PAX5: variants seen among roughly 807,000 people sequenced by gnomAD.
PAX5 encodes the protein paired box protein Pax-5.
In PAX5, 9 loss-of-function variants were observed where a neutral mutation model predicts 43.7. That is an observed-to-expected ratio of 0.21 (90% confidence interval 0.12 to 0.36). The LOEUF is 0.36. Ranked by LOEUF, PAX5 falls within the 10% of genes least tolerant of loss-of-function variation. The pLI is 1.00. For missense variants in PAX5, 383 were observed against 532.7 expected (o/e 0.72, Z 2.77); for synonymous variants, 228 against 214.3 (o/e 1.06, Z -0.56).
chr9:36,939,375 T>C (rs1217944331), intron 6 of PAX5, among the ~76,000 whole-genome samples: 1 of 152,120 alleles, frequency 6.6e-6, no homozygotes, highest in Non-Finnish European at 1.5e-5. Context: ...GCTGACCCAT[T>C]TTTAACCCAA....
intron 7 of PAX5, among the ~76,000 whole-genome samples, chr9:36,911,746 C>T (rs1319193430): frequency 2.0e-5 from 3 of 152,204 alleles, no homozygotes; most frequent in Non-Finnish European, 4.4e-5. Context: ...ATGAACAAAT[C>T]GCTGTTCAGA....
chr9:36,908,064 T>A (rs1828963123), intron 7 of PAX5, among the ~76,000 whole-genome samples: 1 of 152,036 alleles, frequency 6.6e-6, no homozygotes, highest in Non-Finnish European at 1.5e-5. Context: ...GCCAGCATAG[T>A]GGCGTGCACC....
intron 6 of PAX5, among the ~76,000 whole-genome samples, chr9:36,962,898 C>T (rs1187261919): frequency 6.6e-6 from 1 of 152,226 alleles, no homozygotes; most frequent in Non-Finnish European, 1.5e-5. Flanking sequence ...GTCACCACCG[C>T]CATGCCACGC....
intron 4 of PAX5, among the ~76,000 whole-genome samples, chr9:37,004,030 A>G (rs1888019): frequency 0.99 from 150,815 of 152,384 alleles, 74,653 homozygotes; most frequent in East Asian, 1. Context: ...TTTATCAAAT[A>G]AGGAAACTGA....
intron 8 of PAX5, among the ~76,000 whole-genome samples, chr9:36,848,146 G>A (rs1440184723): frequency 1.3e-5 from 2 of 152,136 alleles, no homozygotes; most frequent in African/African-American, 2.4e-5. Flanking sequence ...ACAAAGGGCC[G>A]AAGGGTGAGA....
intron 8 of PAX5, among the ~76,000 whole-genome samples, chr9:36,863,971 T>C (rs1171306851): frequency 6.6e-6 from 1 of 152,164 alleles, no homozygotes; most frequent in Non-Finnish European, 1.5e-5. Context: ...TAGCTGGGCA[T>C]GGTGGCATGT....
At position 36,966,605 on chromosome 9, in the gene PAX5, C is replaced by G. The variant is rs1312388307; in HGVS notation, c.724G>C (p.Glu242Gln). ...AAGATGTCTGAGTAGTGCTGCCTCT[C>G]AAACACGCGGTCCAGCACCTCCAGC... ...QQLEVLDRVF[E>Q]RQHYSDIFTT... is the part of the protein sequence containing the mutation. The change falls in exon 6 of 10, where the codon GAG becomes CAG. Residue 242 changes from glutamate (E) to glutamine (Q), a missense_variant. Around this residue, in one of 5 missense-constraint regions of PAX5, gnomAD observed 291 missense variants for 342.5 expected, o/e 0.85. Coordinates refer to ENST00000358127, the MANE Select transcript of PAX5 (RefSeq NM_016734.3). 6.2e-7 allele frequency: 1 copy of G among 1,614,204 alleles called. No homozygotes were observed. Among genetic ancestry groups the G allele is most frequent in the Non-Finnish European group, 8.5e-7 (1 of 1,180,036 alleles).
chr9:36,892,324 T>A (rs1489045408), intron 7 of PAX5, among the ~76,000 whole-genome samples: 1 of 152,218 alleles, frequency 6.6e-6, no homozygotes, highest in African/African-American at 2.4e-5. Flanking sequence ...AACACTGTCC[T>A]GAGTGCTCTA....
At chr9:37,033,466 A>G (rs555759933) in intron 1 of PAX5, among the ~76,000 whole-genome samples, 1 of 152,350 alleles carries the variant, frequency 6.6e-6, no homozygotes, top group South Asian at 2.1e-4. Flanking sequence ...GACCCTTTAA[A>G]TAGTGGATGT....
At chr9:36,975,150 T>C (rs1277383649) in intron 5 of PAX5, among the ~76,000 whole-genome samples, 1 of 152,182 alleles carries the variant, frequency 6.6e-6, no homozygotes, top group African/African-American at 2.4e-5. Flanking sequence ...GTGAACTCAG[T>C]CCTCTTGGAA....
At chr9:36,867,816 T>C (rs2131686291) in intron 8 of PAX5, among the ~76,000 whole-genome samples, 1 of 152,352 alleles carries the variant, frequency 6.6e-6, no homozygotes, top group Non-Finnish European at 1.5e-5. Context: ...CCGTTGCACA[T>C]AGACTCCTTA....
At chr9:36,951,207 T>G (rs2132109794) in intron 6 of PAX5, among the ~76,000 whole-genome samples, 1 of 152,196 alleles carries the variant, frequency 6.6e-6, no homozygotes, top group South Asian at 2.1e-4. Context: ...ATTCTCTAAT[T>G]GTTGTCCTTT....
intron 6 of PAX5, among the ~76,000 whole-genome samples, chr9:36,931,603 C>T (rs1419589026): frequency 2.6e-5 from 4 of 152,106 alleles, no homozygotes; most frequent in African/African-American, 9.7e-5. Flanking sequence ...AATTACAGCA[C>T]TTTGGGAGGC....
In PAX5 at chr9:37,005,557, A is replaced by G. The variant is rs1001596799; in HGVS notation, c.475+916T>C. Among the ~76,000 whole-genome samples the G allele has an allele frequency of 2.0e-5, 3 of 152,220 alleles. No individual in the cohort carries two copies. In the East Asian group the frequency reaches 5.8e-4, roughly 29 times the overall value. ...ACTTTTACATTTTACTGGGTGAGGT[A>G]ATGACAAAGTTGGAACTGGAGGCCA... On this transcript the variant is annotated intron_variant, in intron 4 of 9. Coordinates refer to ENST00000358127, the MANE Select transcript of PAX5 (RefSeq NM_016734.3).
chr9:36,984,814 G>A (rs542844677), intron 5 of PAX5, among the ~76,000 whole-genome samples: 3 of 152,156 alleles, frequency 2.0e-5, no homozygotes, highest in South Asian at 2.1e-4. Context: ...CACCACACTC[G>A]CCTATCACAA....
intron 8 of PAX5, among the ~76,000 whole-genome samples, chr9:36,857,623 GT>G (rs976446134): frequency 2.2e-4 from 34 of 152,226 alleles, no homozygotes; most frequent in African/African-American, 6.5e-4. Flanking sequence ...ACATTCAAAT[GT>G]TGTCATTTAG....
chr9:37,030,042 G>C (rs575184234), intron 1 of PAX5, among the ~76,000 whole-genome samples: 2 of 152,210 alleles, frequency 1.3e-5, no homozygotes, highest in African/African-American at 2.4e-5. Context: ...TCGGATACCC[G>C]TGAGGCTTGC....
intron 1 of PAX5, chr9:37,026,725 GCCTC>G: frequency 7.8e-7 from 1 of 1,274,936 alleles, no homozygotes; most frequent in Non-Finnish European, 1.0e-6. Flanking sequence ...CTCTCTCAGA[GCCTC>G]CCTGCTGGAG....
intron 8 of PAX5, among the ~76,000 whole-genome samples, chr9:36,880,602 G>A (rs150317935): frequency 5.3e-5 from 8 of 152,204 alleles, no homozygotes; most frequent in East Asian, 3.9e-4. Context: ...TCGCTCTGTC[G>A]CCCAGGCTGG....
Sources: allele counts gnomAD v4.1 joint callset (sites outside exome capture counted in the v4.1 genomes callset), GRCh38; gene constraint gnomAD v4.1.1; regional missense constraint gnomAD v4.1.1; transcripts MANE v1.5; gene names NCBI Gene and HGNC (gene_info 2026-07-23, HGNC 2026-07-21).